CCDC13: variants seen among roughly 807,000 people sequenced by gnomAD.
CCDC13 encodes the protein coiled-coil domain-containing protein 13.
In CCDC13, 70 loss-of-function variants were observed where a neutral mutation model predicts 87.3. That is an observed-to-expected ratio of 0.80 (90% CI 0.66 to 0.98). CCDC13 has a LOEUF of 0.98. Among genes scored for constraint, CCDC13 ranks in the 50% least tolerant of loss-of-function variants. The probability of loss-of-function intolerance (pLI) is 0.00; values close to 1 mark genes in which losing one functional copy is unlikely to be tolerated. For synonymous variants in CCDC13, 317 were observed against 360.3 expected, an observed-to-expected ratio of 0.88 and a Z score of 1.36; for missense variants, 842 against 892.0, an observed-to-expected ratio of 0.94 and a Z score of 0.71.
chr3:42,770,135 A>G (rs774001659), intron 1 of CCDC13, among the ~76,000 whole-genome samples: 1 of 152,214 alleles, frequency 6.6e-6, no homozygotes, highest in Non-Finnish European at 1.5e-5. Flanking sequence ...TCCTGAGTCT[A>G]GTGGGGACTT....
chr3:42,745,897 C>A (rs368816909), intron 7 of CCDC13, 26 bp downstream of exon 7: 29 of 1,567,650 alleles, frequency 1.8e-5, no homozygotes, highest in Non-Finnish European at 2.5e-5. Flanking sequence ...TTGTTCAGGC[C>A]AGGAGAAGTC....
chr3:42,713,740 A>G (rs1035875616), intron 13 of CCDC13, among the ~76,000 whole-genome samples: 1 of 152,220 alleles, frequency 6.6e-6, no homozygotes, highest in Non-Finnish European at 1.5e-5. Context: ...AATCACCTGT[A>G]TACGTTTTTG....
At chr3:42,749,592 T>C (rs72865751) in intron 5 of CCDC13, among the ~76,000 whole-genome samples, 5,689 of 152,246 alleles carry the variant, frequency 0.037, 284 homozygotes, top group East Asian at 0.18. Flanking sequence ...GAGGGCTAGA[T>C]GGTGTTCTGG....
chr3:42,710,875 C>G (rs1029760507), intron 14 of CCDC13, among the ~76,000 whole-genome samples: 1 of 152,090 alleles, frequency 6.6e-6, no homozygotes, highest in Non-Finnish European at 1.5e-5. Context: ...CTCCACATCC[C>G]CAACTAGAGC....
At chr3:42,761,893 C>G (rs1466432784) in intron 1 of CCDC13, among the ~76,000 whole-genome samples, 1 of 152,186 alleles carries the variant, frequency 6.6e-6, no homozygotes. Context: ...TACCATGGTC[C>G]TTTTCTGACC....
At chr3:42,743,306 C>G (rs1326373461) in intron 7 of CCDC13, among the ~76,000 whole-genome samples, 1 of 152,044 alleles carries the variant, frequency 6.6e-6, no homozygotes, top group Non-Finnish European at 1.5e-5. Context: ...CTCTGAGGGG[C>G]TGTTTGAGGC....
chr3:42,760,686 C>G (rs998969476), intron 1 of CCDC13, among the ~76,000 whole-genome samples: 2 of 148,766 alleles, frequency 1.3e-5, no homozygotes, highest in Admixed American at 6.7e-5. Context: ...TCCAGCCTGG[C>G]CGAGGTTGCA....
At chr3:42,745,850 G>C in intron 7 of CCDC13, 73 bp downstream of exon 7, 1 of 1,201,650 alleles carries the variant, frequency 8.3e-7, no homozygotes, top group Non-Finnish European at 1.2e-6. Context: ...GTCTCTAAGG[G>C]GGTCAGGGCA....
intron 5 of CCDC13, among the ~76,000 whole-genome samples, chr3:42,750,151 G>A (rs1368485270): frequency 6.6e-6 from 1 of 152,174 alleles, no homozygotes; most frequent in African/African-American, 2.4e-5. Flanking sequence ...CTCCCTCTAT[G>A]GGTGACTTCA....
chr3:42,709,837 C>T (rs749945136), intron 14 of CCDC13, 39 bp from the exon 15 acceptor site: 11 of 1,476,394 alleles, frequency 7.5e-6, no homozygotes. Context: ...GAGGAGGCCA[C>T]AGCCCTGTGC....
intron 1 of CCDC13, among the ~76,000 whole-genome samples, chr3:42,763,431 T>C (rs1699873620): frequency 6.6e-6 from 1 of 152,184 alleles, no homozygotes; most frequent in African/African-American, 2.4e-5. Flanking sequence ...ATTCAAAGAA[T>C]TGTAGTTTCA....
chr3:42,767,060 A>G (rs994362601), intron 1 of CCDC13, among the ~76,000 whole-genome samples: 2 of 152,222 alleles, frequency 1.3e-5, no homozygotes, highest in African/African-American at 4.8e-5. Context: ...TACCTAATGG[A>G]ATAAGCCAAG....
intron 13 of CCDC13, among the ~76,000 whole-genome samples, chr3:42,716,028 T>A (rs1698424261): frequency 6.6e-6 from 1 of 152,164 alleles, no homozygotes; most frequent in Non-Finnish European, 1.5e-5. Flanking sequence ...CCCAGCTGGG[T>A]AACATACCTG....
intron 13 of CCDC13, 146 bp downstream of exon 13, chr3:42,730,321 G>GGCGCATGAGTTGTGGC: frequency 8.8e-7 from 1 of 1,131,690 alleles, no homozygotes; most frequent in Non-Finnish European, 1.2e-6. Flanking sequence ...AAGGTTGTGG[G>GGCGCATGAGTTGTGGC]GCGCATGAGT....
chr3:42,733,703 G>C, intron 10 of CCDC13, 94 bp from the exon 11 acceptor site: 1 of 1,454,850 alleles, frequency 6.9e-7, no homozygotes, highest in Non-Finnish European at 9.1e-7. Flanking sequence ...GGGGCTTTCA[G>C]AGGATATGAA....
At chr3:42,771,583 T>C (rs1256736309) in intron 1 of CCDC13, among the ~76,000 whole-genome samples, 1 of 151,990 alleles carries the variant, frequency 6.6e-6, no homozygotes. Flanking sequence ...AGCAAGACCA[T>C]AGCTTTACAA....
chr3:42,719,882 G>A (rs760729205), intron 13 of CCDC13, among the ~76,000 whole-genome samples: 1 of 152,106 alleles, frequency 6.6e-6, no homozygotes, highest in African/African-American at 2.4e-5. Flanking sequence ...AATAATAAGA[G>A]CTTAAATATT....
At chr3:42,763,680 T>C (rs1313817451) in intron 1 of CCDC13, among the ~76,000 whole-genome samples, 3 of 152,020 alleles carry the variant, frequency 2.0e-5, no homozygotes, top group African/African-American at 7.2e-5. Flanking sequence ...AATTTTTGTA[T>C]GTTTTTGTAG....
At chr3:42,709,576 TG>T in intron 15 of CCDC13, 107 bp downstream of exon 15, 2 of 895,344 alleles carry the variant, frequency 2.2e-6, no homozygotes, top group Non-Finnish European at 3.6e-6. Flanking sequence ...ACAAGCCTTC[TG>T]GGCAAATGAG....
Sources: gnomAD v4.1 joint callset for allele counts (sites outside exome capture counted in the v4.1 genomes callset) on GRCh38, gnomAD v4.1.1 for gene constraint, MANE v1.5 for transcripts, NCBI Gene and HGNC (gene_info 2026-07-23, HGNC 2026-07-21) for gene names.